Variants in IBTK observed in about 807,000 individuals in gnomAD.
IBTK encodes the protein inhibitor of Bruton tyrosine kinase, also known as BTK-binding protein.
A neutral mutation model predicts 154.9 loss-of-function variants in IBTK; 83 were observed. The observed-to-expected ratio is 0.54, with a 90% confidence interval of 0.45 to 0.64. IBTK has a LOEUF of 0.64. IBTK is among the 30% of genes least tolerant of loss of function. The probability of loss-of-function intolerance (pLI) is 0.00; values close to 1 mark genes in which losing one functional copy is unlikely to be tolerated. For synonymous variants in IBTK, 515 were observed against 536.1 expected, an observed-to-expected ratio of 0.96 and a Z score of 0.54; for missense variants, 1,332 against 1,584.6, an observed-to-expected ratio of 0.84 and a Z score of 2.71.
chr6:82,226,609 T>TC lies in IBTK; in HGVS notation c.654+582_654+583insG, dbSNP rs1382687720. On this transcript the variant is annotated intron_variant, in intron 5 of 28. Coordinates refer to ENST00000306270, the MANE Select transcript of IBTK (RefSeq NM_015525.4). ...ATTAGTGTGCCTTCTTTTTTGTTTT[T>TC]TTTTTTTTCTTTTTGAGACGGAGTT... Among the ~76,000 whole-genome samples, 200 of 151,660 alleles carry TC rather than the reference T, an allele frequency of 1.3e-3. 1 individual carries two copies. The highest frequency in any genetic ancestry group is 4.5e-3 in the African/African-American group (186 of 41,450).
Position 82,210,904 on chromosome 6 carries a change from T to C in IBTK, c.2419A>G (p.Ser807Gly), listed in dbSNP as rs1448533614. 6.5e-7 allele frequency: 1 copy of C among 1,536,852 alleles called. No individual in the cohort carries two copies. Among genetic ancestry groups the C allele is most frequent in the Non-Finnish European group, 8.8e-7 (1 of 1,138,748 alleles). ...MLSSSWIEAS[S>G]CAALEMPIHS... ...ATTGGCATTTCCAGAGCTGCACAAC[T>C]GGAAGCCTAAATAAAATAAGACAAA... The change falls in exon 16 of 29, where the codon AGT becomes GGT. Residue 807 changes from serine to glycine, a missense_variant. By Grantham distance (56) the Ser-to-Gly change is moderately conservative. Coordinates refer to ENST00000306270, the MANE Select transcript of IBTK (RefSeq NM_015525.4).
intron 26 of IBTK, among the ~76,000 whole-genome samples, chr6:82,175,296 C>T (rs1768069009): frequency 1.3e-5 from 2 of 152,092 alleles, no homozygotes; most frequent in South Asian, 4.1e-4. Flanking sequence ...TACTGAATTA[C>T]AAACTGATAT....
At chr6:82,234,015 C>T (rs955802731) in intron 3 of IBTK, 144 bp downstream of exon 3, 21 of 391,520 alleles carry the variant, frequency 5.4e-5, no homozygotes, top group Non-Finnish European at 7.6e-5. Context: ...AGGTGTGAGC[C>T]GCAGCGCCCA....
Position 82,231,279 on chromosome 6 carries a change from T to G in IBTK, c.543+439A>C, listed in dbSNP as rs116654991. Among the ~76,000 whole-genome samples the G allele has an allele frequency of 9.4e-3, 1,426 of 151,966 alleles. 19 individuals carry two copies. The highest frequency in any genetic ancestry group is 0.033 in the African/African-American group (1,349 of 41,430). On this transcript the variant is annotated intron_variant, in intron 4 of 28. Transcript: ENST00000306270. ...AAAAATTGCAAGAAGTGTGTTGTTTTCTAAATTGAAATTATTTTATTTTTT... is the reference window on the plus strand; with the variant it reads ...AAAAATTGCAAGAAGTGTGTTGTTTGCTAAATTGAAATTATTTTATTTTTT...
intron 4 of IBTK, among the ~76,000 whole-genome samples, chr6:82,229,992 T>G (rs6909088): frequency 0.24 from 36,241 of 152,092 alleles, 4,372 homozygotes; most frequent in African/African-American, 0.28. Context: ...TATGGAGCCC[T>G]AAATATAGTG....
At chr6:82,223,076 A>C (rs1048680783) in intron 8 of IBTK, among the ~76,000 whole-genome samples, 11 of 152,084 alleles carry the variant, frequency 7.2e-5, no homozygotes, top group African/African-American at 2.7e-4. Context: ...AAGATAAATA[A>C]ATGTATAATG....
intron 8 of IBTK, among the ~76,000 whole-genome samples, chr6:82,221,972 C>T (rs1205532362): frequency 6.6e-6 from 1 of 152,074 alleles, no homozygotes; most frequent in Non-Finnish European, 1.5e-5. Context: ...CGAGACCAAC[C>T]TGGCCAAAAT....
intron 28 of IBTK, among the ~76,000 whole-genome samples, chr6:82,171,820 G>C (rs1006147086): frequency 3.9e-5 from 6 of 152,228 alleles, no homozygotes; most frequent in Non-Finnish European, 5.9e-5. Context: ...AACTGAAAAT[G>C]GTTGCTAAAA....
rs552236447 is a variant in IBTK at position 82,236,831 on chromosome 6, G to A, written c.322-2576C>T. Among the ~76,000 whole-genome samples, 378 of 152,230 alleles carry A rather than the reference G, an allele frequency of 2.5e-3. 2 individuals are homozygous for A. The highest frequency in any genetic ancestry group is 8.8e-3 in the African/African-American group (364 of 41,532). The stretch of plus-strand genomic sequence containing the variant: ...CTTCCAATTAAAGAAGTGTTGGAAG[G>A]TCAAAGTAAAAAAATATGCTGAACA... On this transcript the variant is annotated intron_variant, in intron 2 of 28. Coordinates refer to ENST00000306270, the MANE Select transcript of IBTK (RefSeq NM_015525.4).
intron 6 of IBTK, among the ~76,000 whole-genome samples, chr6:82,225,232 C>CAAT (rs1770249475): frequency 6.6e-6 from 1 of 151,908 alleles, no homozygotes; most frequent in African/African-American, 2.4e-5. Context: ...ATCGCTTGAA[C>CAAT]CCGAGGGGCA....
In IBTK at chr6:82,172,424, C is replaced by G; in HGVS notation, c.3886G>C (p.Ala1296Pro). The stretch of plus-strand genomic sequence containing the variant: ...TTTTCTCGACTTCTAATAAGAGCTG[C>G]TTCTTGTTGTAGTTCTTCTTCTACA... ...SIVEEELQQE[A>P]ALIRSREKPL... The change falls in exon 28 of 29, where the codon GCA (alanine) becomes CCA (proline). Residue 1296 changes from alanine (A) to proline (P), a missense_variant. Transcript: ENST00000306270. 1 of 1,613,922 alleles carries G rather than the reference C, an allele frequency of 6.2e-7. No homozygotes were observed. Among genetic ancestry groups the G allele is most frequent in the Non-Finnish European group, 8.5e-7 (1 of 1,179,858 alleles).
Position 82,210,898 on chromosome 6 carries a change from C to T in IBTK, c.2425G>A (p.Ala809Thr). ...SSSWIEASSC[A>T]ALEMPIHSDI... ...GAATGTATTGGCATTTCCAGAGCTGCACAACTGGAAGCCTAAATAAAATAA... is the reference window on the plus strand; with the variant it reads ...GAATGTATTGGCATTTCCAGAGCTGTACAACTGGAAGCCTAAATAAAATAA... Residue 809 changes from alanine to threonine, a missense_variant, in exon 16 of 29, where the codon GCA becomes ACA. Physicochemically the swap from Ala to Thr is moderately conservative, Grantham distance 58. Around this residue, in one of 3 missense-constraint regions of IBTK, gnomAD observed 1,134 missense variants for 1,274.7 expected, o/e 0.89. Coordinates refer to ENST00000306270, the MANE Select transcript of IBTK (RefSeq NM_015525.4). The T allele has an allele frequency of 6.4e-7, 1 of 1,557,654 alleles. No homozygotes were observed. The highest frequency in any genetic ancestry group is 8.7e-7 in the Non-Finnish European group (1 of 1,149,880).
intron 16 of IBTK, 63 bp from the exon 17 acceptor site, chr6:82,205,021 A>C: frequency 1.1e-6 from 1 of 934,312 alleles, no homozygotes; most frequent in Non-Finnish European, 1.6e-6. Flanking sequence ...AGAAAAAAAA[A>C]TTTGAAGTAA....
chr6:82,183,954 G>A (rs957727658), intron 25 of IBTK, among the ~76,000 whole-genome samples: 1 of 152,200 alleles, frequency 6.6e-6, no homozygotes, highest in African/African-American at 2.4e-5. Flanking sequence ...GCTCCTGCCA[G>A]ATGCCAGCAC....
chr6:82,214,565 C>G lies in IBTK; in HGVS notation c.1866G>C (p.Lys622Asn). 2.5e-6 allele frequency: 4 copies of G among 1,613,984 alleles called. No individual in the cohort carries two copies. Among genetic ancestry groups the G allele is most frequent in the South Asian group, 2.2e-5 (2 of 91,058 alleles). ...GGTATTCAAACATGTCAGGATGAAC[C>G]TTCTCTACCACAAAGAGATGGCACC... ...SAGCHLFVVE[K>N]VHPDMFEYLL... The change falls in exon 12 of 29, where the codon AAG (lysine) becomes AAC (asparagine). Residue 622 changes from lysine (K) to asparagine (N), a missense_variant. Lys to Asn is a moderately conservative substitution (Grantham distance 94). Coordinates refer to ENST00000306270, the MANE Select transcript of IBTK (RefSeq NM_015525.4).
intron 16 of IBTK, among the ~76,000 whole-genome samples, chr6:82,207,255 T>G (rs1769448956): frequency 6.6e-6 from 1 of 152,100 alleles, no homozygotes; most frequent in Non-Finnish European, 1.5e-5. Flanking sequence ...GGATATAAGA[T>G]CAATATACAA....
chr6:82,191,274 G>A, intron 24 of IBTK, 58 bp from the exon 25 acceptor site: 2 of 1,360,994 alleles, frequency 1.5e-6, no homozygotes, highest in Non-Finnish European at 2.0e-6. Context: ...AATTCCATGA[G>A]AAATCATTTT....
chr6:82,211,723 T>C (rs2127813492), intron 13 of IBTK, 151 bp from the exon 14 acceptor site: 1 of 636,520 alleles, frequency 1.6e-6, no homozygotes, highest in Non-Finnish European at 2.8e-6. Flanking sequence ...ACTTCATCTT[T>C]TTCCACCACA....
At chr6:82,228,174 T>C (rs111451131) in intron 4 of IBTK, among the ~76,000 whole-genome samples, 3 of 152,166 alleles carry the variant, frequency 2.0e-5, no homozygotes, top group African/African-American at 7.2e-5. Context: ...TTTGCATTTA[T>C]ATTTCTTACA....
Sources: gnomAD v4.1 joint callset for allele counts (sites outside exome capture counted in the v4.1 genomes callset) on GRCh38, gnomAD v4.1.1 for gene constraint, gnomAD v4.1.1 regional missense constraint, MANE v1.5 for transcripts, NCBI Gene and HGNC (gene_info 2026-07-23, HGNC 2026-07-21) for gene names.